The following PAK1 variants were observed in gnomAD, a reference collection of about 807,000 sequenced individuals.
The protein encoded by PAK1 is p21 (RAC1) activated kinase 1.
In PAK1, 29 loss-of-function variants were observed where a neutral mutation model predicts 67.4. The ratio of observed to expected loss-of-function variants is 0.43; its 90% CI spans 0.32 to 0.59. The LOEUF is 0.59. Ranked by LOEUF, PAK1 falls within the 20% of genes least tolerant of loss-of-function variation. The pLI is 0.07. For synonymous variants in PAK1, 223 were observed against 237.4 expected (o/e 0.94, Z 0.56); for missense variants, 337 against 670.7 (o/e 0.50, Z 5.50).
the PAK1 span, among the ~76,000 whole-genome samples, chr11:77,526,835 G>C: frequency 5.3e-5 from 8 of 151,608 alleles, no homozygotes; most frequent in Non-Finnish European, 8.8e-5. Flanking sequence ...AGAATTGCTT[G>C]AACCCAGGAG....
the PAK1 span, among the ~76,000 whole-genome samples, chr11:77,509,163 C>A: frequency 1.3e-5 from 2 of 151,544 alleles, no homozygotes; most frequent in Non-Finnish European, 2.9e-5. Context: ...GAGGCTGAGG[C>A]AGGAGAATGG....
intron 10 of PAK1, among the ~76,000 whole-genome samples, chr11:77,343,409 C>T (rs936868131): frequency 6.6e-6 from 1 of 152,100 alleles, no homozygotes; most frequent in African/African-American, 2.4e-5. Flanking sequence ...GTGGTCAGAT[C>T]TCAAATGAAA....
At chr11:77,521,831 G>C in the PAK1 span, among the ~76,000 whole-genome samples, 1 of 152,332 alleles carries the variant, frequency 6.6e-6, no homozygotes, top group Admixed American at 6.5e-5. Flanking sequence ...TATTGATCCG[G>C]ATTTCTACAT....
intron 4 of PAK1, among the ~76,000 whole-genome samples, chr11:77,376,759 A>G (rs1949145396): frequency 6.6e-6 from 1 of 151,580 alleles, no homozygotes; most frequent in Admixed American, 6.6e-5. Flanking sequence ...AAAAAAATTA[A>G]GTGTTGAAAA....
At chr11:77,415,191 T>C (rs1954881267) in intron 1 of PAK1, among the ~76,000 whole-genome samples, 1 of 152,186 alleles carries the variant, frequency 6.6e-6, no homozygotes, top group African/African-American at 2.4e-5. Flanking sequence ...TACACATCTA[T>C]TAGAATAACT....
At chr11:77,396,097 G>C (rs1326512786) in intron 1 of PAK1, among the ~76,000 whole-genome samples, 1 of 152,134 alleles carries the variant, frequency 6.6e-6, no homozygotes, top group Admixed American at 6.5e-5. Context: ...TGCCAACAAA[G>C]GTTTCACCAA....
chr11:77,524,496 T>C, the PAK1 span, among the ~76,000 whole-genome samples: 3 of 152,248 alleles, frequency 2.0e-5, no homozygotes, highest in African/African-American at 4.8e-5. Flanking sequence ...TTCTTCAAGT[T>C]TCATCTTACA....
intron 14 of PAK1, among the ~76,000 whole-genome samples, chr11:77,328,263 C>T (rs1940544298): frequency 6.6e-6 from 1 of 152,186 alleles, no homozygotes; most frequent in South Asian, 2.1e-4. Flanking sequence ...AGGAATTGAA[C>T]TCAGCTCTGC....
chr11:77,399,318 T>C (rs1952280285), intron 1 of PAK1, among the ~76,000 whole-genome samples: 1 of 152,106 alleles, frequency 6.6e-6, no homozygotes, highest in Non-Finnish European at 1.5e-5. Context: ...CAGTAAAATG[T>C]CCAAACACAC....
intron 1 of PAK1, among the ~76,000 whole-genome samples, chr11:77,464,381 T>C (rs937345682): frequency 2.0e-5 from 3 of 152,236 alleles, no homozygotes; most frequent in Admixed American, 6.5e-5. Context: ...TAGTCCTTTA[T>C]CTCTTTTGTA....
the PAK1 span, among the ~76,000 whole-genome samples, chr11:77,528,306 C>G: frequency 6.6e-6 from 1 of 151,708 alleles, no homozygotes; most frequent in Admixed American, 6.6e-5. Context: ...CGTAATTTTC[C>G]TACATTATCT....
At chr11:77,460,771 C>T (rs1957309842) in intron 1 of PAK1, among the ~76,000 whole-genome samples, 1 of 151,486 alleles carries the variant, frequency 6.6e-6, no homozygotes, top group East Asian at 1.9e-4. Flanking sequence ...AAAGAAGGGG[C>T]AAAGGAAGGA....
At chr11:77,391,225 CA>C (rs1951099427) in intron 2 of PAK1, among the ~76,000 whole-genome samples, 1 of 152,152 alleles carries the variant, frequency 6.6e-6, no homozygotes, top group Non-Finnish European at 1.5e-5. Context: ...TGTAGTCTAC[CA>C]GCTATGCCTC....
chr11:77,452,537 G>A lies in PAK1; in HGVS notation c.-22+21015C>T, dbSNP rs929790667. The stretch of plus-strand genomic sequence containing the variant: ...AGGGTGTTGAATTAGACATCTCCTA[G>A]GGTCCCCTTCAGCCAGCAACCCAAC... On this transcript the variant is annotated intron_variant, in intron 1 of 14. Coordinates refer to ENST00000356341, the MANE Select transcript of PAK1 (RefSeq NM_002576.5). 9.9e-5 allele frequency among the ~76,000 whole-genome samples: 15 copies of A among 152,144 alleles called. No individual in the cohort carries two copies. The East Asian group carries it at 2.9e-3, about 29-fold the overall frequency.
chr11:77,445,718 T>C (rs1448242927), intron 1 of PAK1, among the ~76,000 whole-genome samples: 1 of 152,250 alleles, frequency 6.6e-6, no homozygotes, highest in Non-Finnish European at 1.5e-5. Flanking sequence ...GAGCTTTTTA[T>C]ATACATAATA....
intron 1 of PAK1, among the ~76,000 whole-genome samples, chr11:77,397,819 T>C (rs1952042489): frequency 6.6e-6 from 1 of 152,202 alleles, no homozygotes; most frequent in Non-Finnish European, 1.5e-5. Context: ...CCTGACTGCC[T>C]AATGTTACAG....
At chr11:77,447,957 C>T (rs1956690640) in intron 1 of PAK1, among the ~76,000 whole-genome samples, 1 of 152,220 alleles carries the variant, frequency 6.6e-6, no homozygotes, top group South Asian at 2.1e-4. Context: ...CATTCCACCA[C>T]ACTCCCATTT....
At chr11:77,468,464 G>C (rs1170155040) in intron 1 of PAK1, among the ~76,000 whole-genome samples, 1 of 152,110 alleles carries the variant, frequency 6.6e-6, no homozygotes, top group Non-Finnish European at 1.5e-5. Context: ...GAAAGAAAAG[G>C]CTTACAAAAA....
At chr11:77,426,899 C>G (rs1427927158) in intron 1 of PAK1, among the ~76,000 whole-genome samples, 1 of 149,940 alleles carries the variant, frequency 6.7e-6, no homozygotes, top group African/African-American at 2.5e-5. Context: ...AGAGCCTAGG[C>G]TTTGAAATCA....
Sources: allele counts gnomAD v4.1 joint callset (sites outside exome capture counted in the v4.1 genomes callset), GRCh38; gene constraint gnomAD v4.1.1; transcripts MANE v1.5; gene names NCBI Gene and HGNC (gene_info 2026-07-23, HGNC 2026-07-21).